Variants in KCNIP4 observed in about 807,000 individuals in gnomAD.
KCNIP4 encodes the protein potassium voltage-gated channel interacting protein 4.
KCNIP4 carries 12 observed loss-of-function variants against 34.0 expected under a neutral mutation model. That is an observed-to-expected ratio of 0.35 (90% CI 0.23 to 0.57). The LOEUF is 0.57. KCNIP4 is among the 20% of genes least tolerant of loss of function. The pLI, the probability that KCNIP4 is intolerant of heterozygous loss-of-function variation, is 0.83. For missense variants in KCNIP4, 238 were observed against 311.7 expected, an observed-to-expected ratio of 0.76 and a Z score of 1.78; for synonymous variants, 124 against 102.2, an observed-to-expected ratio of 1.21 and a Z score of -1.29.
chr4:20,924,958 G>C (rs1729750726), intron 1 of KCNIP4, among the ~76,000 whole-genome samples: 1 of 152,122 alleles, frequency 6.6e-6, no homozygotes, highest in South Asian at 2.1e-4. Context: ...TCAGTACACA[G>C]GAATCCATGC....
chr4:21,330,196 G>C (rs1332211643), intron 1 of KCNIP4, among the ~76,000 whole-genome samples: 1 of 152,084 alleles, frequency 6.6e-6, no homozygotes, highest in Non-Finnish European at 1.5e-5. Context: ...TGCAGCAGAG[G>C]CATCACGAAA....
intron 3 of KCNIP4, among the ~76,000 whole-genome samples, chr4:20,762,910 G>A (rs997944196): frequency 1.3e-5 from 2 of 151,780 alleles, no homozygotes; most frequent in African/African-American, 4.8e-5. Context: ...TTACAATCAT[G>A]GTGGAAGGCA....
chr4:21,043,078 A>G (rs1742103469), intron 1 of KCNIP4, among the ~76,000 whole-genome samples: 1 of 152,188 alleles, frequency 6.6e-6, no homozygotes, highest in Non-Finnish European at 1.5e-5. Context: ...GTATTTCCCT[A>G]TTCTGTTACA....
chr4:21,781,273 T>C (rs1236358512), intron 1 of KCNIP4, among the ~76,000 whole-genome samples: 2 of 152,102 alleles, frequency 1.3e-5, no homozygotes, highest in African/African-American at 4.8e-5. Context: ...GTGAAGAAGG[T>C]CCTTGTTTCC....
chr4:21,552,779 G>A (rs1738685563), intron 1 of KCNIP4, among the ~76,000 whole-genome samples: 1 of 152,036 alleles, frequency 6.6e-6, no homozygotes, highest in East Asian at 1.9e-4. Context: ...TCTTGCTGTA[G>A]AGCAATATTC....
intron 1 of KCNIP4, among the ~76,000 whole-genome samples, chr4:21,378,214 G>C (rs1169871228): frequency 6.6e-6 from 1 of 152,050 alleles, no homozygotes; most frequent in African/African-American, 2.4e-5. Context: ...AGCTCTTTCA[G>C]CTTATATTTG....
intron 1 of KCNIP4, among the ~76,000 whole-genome samples, chr4:21,447,612 T>G (rs758637989): frequency 3.0e-4 from 45 of 152,160 alleles, no homozygotes; most frequent in Non-Finnish European, 5.6e-4. Flanking sequence ...TACACACCTA[T>G]GATAAAGTTT....
At chr4:21,485,641 C>T (rs1002995921) in intron 1 of KCNIP4, among the ~76,000 whole-genome samples, 2 of 152,162 alleles carry the variant, frequency 1.3e-5, no homozygotes, top group African/African-American at 2.4e-5. Flanking sequence ...ACATCATATC[C>T]TCAATGAAAC....
chr4:20,999,336 G>A (rs1737846059), intron 1 of KCNIP4, among the ~76,000 whole-genome samples: 2 of 151,044 alleles, frequency 1.3e-5, no homozygotes, highest in South Asian at 4.2e-4. Flanking sequence ...TCAAGATACA[G>A]GGCTATTAAC....
intron 1 of KCNIP4, among the ~76,000 whole-genome samples, chr4:21,040,982 T>G (rs989263939): frequency 1.3e-5 from 2 of 150,958 alleles, no homozygotes; most frequent in African/African-American, 4.9e-5. Flanking sequence ...AAAATTACCA[T>G]GTAAGACCAG....
intron 4 of KCNIP4, among the ~76,000 whole-genome samples, chr4:20,750,259 A>T (rs150901498): frequency 6.6e-6 from 1 of 152,336 alleles, no homozygotes; most frequent in East Asian, 1.9e-4. Context: ...AATCTGGGAC[A>T]TGAACTTAGG....
chr4:21,927,895 G>A (rs948691394), intron 1 of KCNIP4, among the ~76,000 whole-genome samples: 4 of 151,956 alleles, frequency 2.6e-5, no homozygotes, highest in African/African-American at 7.3e-5. Flanking sequence ...TCACCCACAC[G>A]ATGAGGATAT....
At chr4:21,327,938 T>C (rs1715255916) in intron 1 of KCNIP4, among the ~76,000 whole-genome samples, 1 of 152,092 alleles carries the variant, frequency 6.6e-6, no homozygotes, top group Admixed American at 6.6e-5. Flanking sequence ...ATTTATCTAA[T>C]AGATTTCTGA....
chr4:20,890,568 A>G (rs1725817305), intron 1 of KCNIP4, among the ~76,000 whole-genome samples: 1 of 152,174 alleles, frequency 6.6e-6, no homozygotes. Flanking sequence ...ATTGCTACCT[A>G]CAATGGGCAG....
intron 3 of KCNIP4, among the ~76,000 whole-genome samples, chr4:20,820,178 A>G (rs573917448): frequency 6.6e-6 from 1 of 152,294 alleles, no homozygotes; most frequent in African/African-American, 2.4e-5. Context: ...CAGACTACTT[A>G]AGTGGTTGTG....
At chr4:21,452,355 A>G (rs779131237) in intron 1 of KCNIP4, among the ~76,000 whole-genome samples, 2 of 152,066 alleles carry the variant, frequency 1.3e-5, no homozygotes, top group Non-Finnish European at 2.9e-5. Flanking sequence ...AGAATCTTGG[A>G]GAGTAAAGGG....
intron 3 of KCNIP4, among the ~76,000 whole-genome samples, chr4:20,766,377 A>T (rs901316554): frequency 1.3e-5 from 2 of 152,088 alleles, no homozygotes; most frequent in African/African-American, 2.4e-5. Flanking sequence ...ACCAGCTTGG[A>T]CAACATGGTG....
chr4:21,484,304 G>T (rs1731718035), intron 1 of KCNIP4, among the ~76,000 whole-genome samples: 1 of 151,984 alleles, frequency 6.6e-6, no homozygotes, highest in Non-Finnish European at 1.5e-5. Context: ...GCATGCACCT[G>T]CAATCCCAGC....
intron 3 of KCNIP4, among the ~76,000 whole-genome samples, chr4:20,799,000 C>G (rs1713867249): frequency 1.3e-5 from 2 of 152,248 alleles, no homozygotes; most frequent in Non-Finnish European, 2.9e-5. Context: ...AGAGACACTA[C>G]TAGAGTGCAT....
Sources: gnomAD v4.1 joint callset for allele counts (sites outside exome capture counted in the v4.1 genomes callset) on GRCh38, gnomAD v4.1.1 for gene constraint, MANE v1.5 for transcripts, NCBI Gene and HGNC (gene_info 2026-07-23, HGNC 2026-07-21) for gene names.